ANKRD13B: variants seen among roughly 807,000 people sequenced by gnomAD.
ANKRD13B encodes ankyrin repeat domain-containing protein 13B.
In ANKRD13B, 33 loss-of-function variants were observed where a neutral mutation model predicts 74.4. The observed-to-expected ratio is 0.44, with a 90% CI of 0.34 to 0.59. The LOEUF (loss-of-function observed/expected upper bound fraction) is 0.59. Ranked by LOEUF, ANKRD13B falls within the 20% of genes least tolerant of loss-of-function variation. ANKRD13B has a pLI of 0.02. For synonymous variants in ANKRD13B, 341 were observed against 362.9 expected, an observed-to-expected ratio of 0.94 and a Z score of 0.68; for missense variants, 676 against 877.9, an observed-to-expected ratio of 0.77 and a Z score of 2.91.
Position 29,593,262 on chromosome 17 carries a change from C to T in ANKRD13B, c.-360C>T, listed in dbSNP as rs945052708. On this transcript the variant is annotated 5_prime_UTR_variant, in exon 1 of 15. Transcript: ENST00000394859. ...GCGGCGGCGTCCCCGGGGCCCGCGT[C>T]CCGTGCGCCCCCGCGCCCGCTGCGG... 2.7e-5 allele frequency among the ~76,000 whole-genome samples: 4 copies of T among 149,034 alleles called. No homozygotes were observed. The highest frequency in any genetic ancestry group is 9.7e-5 in the African/African-American group (4 of 41,078).
chr17:29,610,585 C>T, intron 7 of ANKRD13B, 100 bp from the exon 8 acceptor site: 1 of 1,010,622 alleles, frequency 9.9e-7, no homozygotes. Flanking sequence ...CAGAGTCTCT[C>T]CAGGACCCTT....
Position 29,613,392 on chromosome 17 carries a change from C to T in ANKRD13B, c.1691C>T (p.Pro564Leu), listed in dbSNP as rs1409774430. The T allele has an allele frequency of 1.3e-6, 2 of 1,487,268 alleles. No individual in the cohort carries two copies. The highest frequency in any genetic ancestry group is 2.3e-5 in the Admixed American group (1 of 43,074). The allele number at this position is 1,487,268 out of a possible 1,614,324, so 92.1% of individuals were successfully genotyped here. ...PPTPQRQPAP[P>L]ASVPSPRPSS... The stretch of plus-strand genomic sequence containing the variant: ...ACGCCGCAGCGCCAGCCTGCGCCCC[C>T]GGCGTCAGTGCCCAGCCCTCGGCCC... The change falls in exon 15 of 15, where the codon CCG (proline) becomes CTG (leucine). Residue 564 changes from proline to leucine, a missense_variant. Transcript: ENST00000394859.
Position 29,611,478 on chromosome 17 carries a change from G to A in ANKRD13B, c.905-101G>A. The A allele has an allele frequency of 7.8e-7, 1 of 1,287,354 alleles. No individual in the cohort carries two copies. The allele number at this position is 1,287,354 out of a possible 1,614,324, so 79.7% of individuals were successfully genotyped here. On this transcript the variant is annotated intron_variant, in intron 8 of 14. Transcript: ENST00000394859. The surrounding 1 kb of genome is among the most constrained non-coding windows in gnomAD (Gnocchi z 4.3). ...GTTGGGTGAGCAGGCCCCACCCCAG[G>A]AACCGGCCTCCTCCCTAGGTCTTGG...
At position 29,609,817 on chromosome 17, in the gene ANKRD13B, A is replaced by G. The variant is rs1219146935; in HGVS notation, c.822+396A>G. ...GGCTTAGAGTGGTTCTGTGACCTGTACAAGGTCACACAGCTGTTAAGTGGC... is the reference window on the plus strand; with the variant it reads ...GGCTTAGAGTGGTTCTGTGACCTGTGCAAGGTCACACAGCTGTTAAGTGGC... On this transcript the variant is annotated intron_variant, in intron 7 of 14. Transcript: ENST00000394859. This position sits in a 1 kb window ranked among gnomAD's most constrained non-coding sequence, Gnocchi z 4.0. Among the ~76,000 whole-genome samples the G allele has an allele frequency of 6.6e-6, 1 of 152,194 alleles. No individual in the cohort carries two copies. Among genetic ancestry groups the G allele is most frequent in the East Asian group, 1.9e-4 (1 of 5,198 alleles).
In ANKRD13B at chr17:29,613,348, C is replaced by T. The variant is rs957927994; in HGVS notation, c.1653-6C>T. The T allele has an allele frequency of 5.5e-6, 8 of 1,446,632 alleles. No homozygotes were observed. Among genetic ancestry groups the T allele is most frequent in the African/African-American group, 1.5e-5 (1 of 66,988 alleles). 89.6% of individuals were successfully genotyped at this position (1,446,632 alleles called of 1,614,324 possible). ...GGAGCCCGCGACATTCCTTCCCCAC[C>T]CCCAGGAGCGCCCCGCCCACGCCGC... On this transcript the variant is annotated splice_polypyrimidine_tract_variant and splice_region_variant and intron_variant, in intron 14 of 14. Coordinates refer to ENST00000394859, the MANE Select transcript of ANKRD13B (RefSeq NM_152345.5).
At position 29,611,528 on chromosome 17, in the gene ANKRD13B, C is replaced by T; in HGVS notation, c.905-51C>T. ...GGTGCTGTCACCTCTGATGAGGTGCCCAGGTGTGTGTGGAGTTGCGGTGTC... is the reference window on the plus strand; with the variant it reads ...GGTGCTGTCACCTCTGATGAGGTGCTCAGGTGTGTGTGGAGTTGCGGTGTC... On this transcript the variant is annotated intron_variant, in intron 8 of 14. Coordinates refer to ENST00000394859, the MANE Select transcript of ANKRD13B (RefSeq NM_152345.5). This position sits in a 1 kb window ranked among gnomAD's most constrained non-coding sequence, Gnocchi z 4.3. 2 of 1,590,162 alleles carry T rather than the reference C, an allele frequency of 1.3e-6. No homozygotes were observed. Among genetic ancestry groups the T allele is most frequent in the Non-Finnish European group, 1.7e-6 (2 of 1,158,516 alleles).
intron 8 of ANKRD13B, 103 bp downstream of exon 8, chr17:29,610,869 G>A: frequency 8.7e-7 from 1 of 1,155,562 alleles, no homozygotes; most frequent in Non-Finnish European, 1.3e-6. Context: ...CTAGCAAGAG[G>A]CTGGATGCTT....
chr17:29,609,075 G>T lies in ANKRD13B; in HGVS notation c.566-11G>T. 6.2e-7 allele frequency: 1 copy of T among 1,610,896 alleles called. No homozygotes were observed. Among genetic ancestry groups the T allele is most frequent in the Non-Finnish European group, 8.5e-7 (1 of 1,179,420 alleles). Reference sequence around the variant, plus strand: ...ACCCCTGATCCCCCTGTGCTGTTCCGTGTCTGGCAGACACAAGCGCCGTGG... The same window carrying T: ...ACCCCTGATCCCCCTGTGCTGTTCCTTGTCTGGCAGACACAAGCGCCGTGG... On this transcript the variant is annotated splice_polypyrimidine_tract_variant and intron_variant, in intron 5 of 14. Coordinates refer to ENST00000394859, the MANE Select transcript of ANKRD13B (RefSeq NM_152345.5). This position sits in a 1 kb window ranked among gnomAD's most constrained non-coding sequence, Gnocchi z 4.0.
intron 1 of ANKRD13B, among the ~76,000 whole-genome samples, chr17:29,603,733 A>G (rs2034261919): frequency 6.6e-6 from 1 of 151,270 alleles, no homozygotes; most frequent in Admixed American, 6.6e-5. Flanking sequence ...TCTTTTTTAT[A>G]CCTCTCATTC....
chr17:29,604,564 T>C (rs1598606752), intron 1 of ANKRD13B, among the ~76,000 whole-genome samples: 2 of 146,554 alleles, frequency 1.4e-5, no homozygotes, highest in Non-Finnish European at 3.0e-5. Context: ...TTTTTTGAGA[T>C]GGAGTCTTGC....
chr17:29,605,445 CAT>C (rs1229901929), intron 1 of ANKRD13B, among the ~76,000 whole-genome samples: 5 of 151,698 alleles, frequency 3.3e-5, no homozygotes, highest in African/African-American at 4.8e-5. Context: ...TACACACACA[CAT>C]ATATATATAC....
chr17:29,596,230 C>A (rs1486239079), intron 1 of ANKRD13B, among the ~76,000 whole-genome samples: 1 of 152,250 alleles, frequency 6.6e-6, no homozygotes, highest in East Asian at 1.9e-4. Context: ...ACCTTCAGAG[C>A]AGGTTAATGG....
chr17:29,604,570 C>G (rs2034298545), intron 1 of ANKRD13B, among the ~76,000 whole-genome samples: 1 of 146,696 alleles, frequency 6.8e-6, no homozygotes, highest in African/African-American at 2.5e-5. Context: ...GAGATGGAGT[C>G]TTGCTCTGTC....
intron 1 of ANKRD13B, among the ~76,000 whole-genome samples, chr17:29,597,674 TCTC>T (rs2034001353): frequency 6.6e-6 from 1 of 151,852 alleles, no homozygotes; most frequent in South Asian, 2.1e-4. Context: ...ATTAATGAAT[TCTC>T]CTACCTGGGC....
At chr17:29,595,844 G>T (rs1363143811) in intron 1 of ANKRD13B, among the ~76,000 whole-genome samples, 1 of 152,184 alleles carries the variant, frequency 6.6e-6, no homozygotes, top group African/African-American at 2.4e-5. Flanking sequence ...ATGCCACTCC[G>T]TGTAGGTGGG....
At position 29,613,550 on chromosome 17, in the gene ANKRD13B, C is replaced by T. The variant is rs1336598273; in HGVS notation, c.1849C>T (p.Arg617Cys). Residue 617 changes from arginine (R) to cysteine (C), a missense_variant, in exon 15 of 15, where the codon CGC becomes TGC. By Grantham distance (180) the Arg-to-Cys change is radical. Around this residue, in one of 4 missense-constraint regions of ANKRD13B, gnomAD observed 108 missense variants for 90.3 expected, o/e 1.20. Transcript: ENST00000394859. Reference protein sequence around the residue: ...RARQEEEELERILRLSLTEQ With the variant: ...RARQEEEELECILRLSLTEQ ...GCGCCAGGAGGAGGAGGAGCTGGAG[C>T]GCATCCTGAGGCTCTCACTGACCGA... 6.6e-6 allele frequency: 10 copies of T among 1,516,304 alleles called. No homozygotes were observed. The highest frequency in any genetic ancestry group is 1.2e-5 in the South Asian group (1 of 80,500). The allele number at this position is 1,516,304 out of a possible 1,614,324, so 93.9% of individuals were successfully genotyped here.
rs143637888 is a variant in ANKRD13B at position 29,609,860 on chromosome 17, C to T, written c.822+439C>T. Among the ~76,000 whole-genome samples the T allele has an allele frequency of 6.6e-6, 1 of 152,112 alleles. No homozygotes were observed. ...TAAGTGGCAGAGTTGGGGTTCAGAT[C>T]CTGGCTGGCCTGACCCTAGAGCCAG... On this transcript the variant is annotated intron_variant, in intron 7 of 14. Transcript: ENST00000394859. The surrounding 1 kb of genome is among the most constrained non-coding windows in gnomAD (Gnocchi z 4.0).
chr17:29,594,029 T>G (rs527683671), intron 1 of ANKRD13B: 265 of 178,530 alleles, frequency 1.5e-3, no homozygotes, highest in African/African-American at 5.8e-3. Context: ...CGGTGTTCCA[T>G]GTGGTGGGAG....
intron 1 of ANKRD13B, among the ~76,000 whole-genome samples, chr17:29,596,061 C>T (rs1029473263): frequency 1.1e-4 from 17 of 152,344 alleles, no homozygotes; most frequent in African/African-American, 3.6e-4. Context: ...GTACCAGCCG[C>T]CACAGAAACA....
Sources: gnomAD v4.1 joint callset for allele counts (sites outside exome capture counted in the v4.1 genomes callset) on GRCh38, gnomAD v4.1.1 for gene constraint, gnomAD v4.1.1 regional missense constraint, Gnocchi (gnomAD v3.1) non-coding constraint, MANE v1.5 for transcripts, NCBI Gene and HGNC (gene_info 2026-07-23, HGNC 2026-07-21) for gene names.